The following LRRD1 variants were observed in gnomAD, a reference collection of about 807,000 sequenced individuals.
LRRD1 encodes the protein leucine rich repeats and death domain containing 1.
In LRRD1, 49 loss-of-function variants were observed where a neutral mutation model predicts 69.5. The observed-to-expected ratio is 0.70, with a 90% CI of 0.56 to 0.89. LRRD1 has a LOEUF of 0.89. Ranked by LOEUF, LRRD1 falls within the 40% of genes least tolerant of loss-of-function variation. The pLI, the probability that LRRD1 is intolerant of heterozygous loss-of-function variation, is 0.00. For missense variants in LRRD1, 853 were observed against 956.0 expected, an observed-to-expected ratio of 0.89 and a Z score of 1.42; for synonymous variants, 303 against 338.9, an observed-to-expected ratio of 0.89 and a Z score of 1.16.
intron 3 of LRRD1, among the ~76,000 whole-genome samples, chr7:92,156,804 A>G (rs1788667324): frequency 6.6e-6 from 1 of 152,154 alleles, no homozygotes; most frequent in Admixed American, 6.5e-5. Flanking sequence ...TTCCAGTTAT[A>G]ACGTCAAAAA....
chr7:92,162,172 C>A (rs1052625234), intron 2 of LRRD1, among the ~76,000 whole-genome samples: 7 of 152,090 alleles, frequency 4.6e-5, no homozygotes, highest in Non-Finnish European at 8.8e-5. Context: ...TTCCCTGGAG[C>A]AGTTTTTCTG....
At chr7:92,178,273 A>G (rs942758688) in intron 1 of LRRD1, among the ~76,000 whole-genome samples, 1 of 152,152 alleles carries the variant, frequency 6.6e-6, no homozygotes, top group African/African-American at 2.4e-5. Context: ...AGATCACGCC[A>G]TTGCACTCCA....
At chr7:92,153,870 CTT>C (rs981871411) in intron 3 of LRRD1, among the ~76,000 whole-genome samples, 2 of 151,952 alleles carry the variant, frequency 1.3e-5, no homozygotes, top group African/African-American at 4.8e-5. Context: ...TAGTCTTGCT[CTT>C]GTCAGCCAAG....
intron 1 of LRRD1, among the ~76,000 whole-genome samples, chr7:92,169,550 C>T (rs1789003098): frequency 6.6e-6 from 1 of 151,744 alleles, no homozygotes; most frequent in South Asian, 2.1e-4. Flanking sequence ...ACTTGGGAGG[C>T]TGAGGCAGAT....
intron 4 of LRRD1, among the ~76,000 whole-genome samples, chr7:92,146,571 T>C (rs1442349175): frequency 1.4e-5 from 2 of 146,954 alleles, no homozygotes; most frequent in Non-Finnish European, 3.0e-5. Flanking sequence ...GAGCTGAGAC[T>C]ACACCACTGT....
intron 1 of LRRD1, among the ~76,000 whole-genome samples, chr7:92,168,573 A>C (rs989535604): frequency 2.6e-5 from 4 of 151,918 alleles, no homozygotes; most frequent in African/African-American, 9.7e-5. Context: ...CCCATCCAGA[A>C]TGCGTACTTG....
chr7:92,171,063 T>A (rs1789047346), intron 1 of LRRD1, among the ~76,000 whole-genome samples: 1 of 152,120 alleles, frequency 6.6e-6, no homozygotes, highest in African/African-American at 2.4e-5. Flanking sequence ...AAGAGGGAAG[T>A]TTGTACCAAT....
chr7:92,153,916 A>T (rs1788588868), intron 3 of LRRD1, among the ~76,000 whole-genome samples: 2 of 151,698 alleles, frequency 1.3e-5, no homozygotes, highest in African/African-American at 4.8e-5. Context: ...GGCTCACTGT[A>T]ACCTCCGCTT....
intron 4 of LRRD1, 50 bp from the exon 5 acceptor site, chr7:92,146,250 A>C: frequency 1.1e-6 from 1 of 894,958 alleles, no homozygotes; most frequent in South Asian, 1.9e-5. Flanking sequence ...AAGATAATCT[A>C]TTTTGAGTTC....
chr7:92,164,909 C>A lies in LRRD1; in HGVS notation c.294G>T (p.Gln98His). 6.4e-7 allele frequency: 1 copy of A among 1,551,572 alleles called. No homozygotes were observed. The highest frequency in any genetic ancestry group is 2.0e-5 in the Admixed American group (1 of 51,000). ...SETSTRTGTSQSLSSLTGRTA... is the reference protein window; with the variant it reads ...SETSTRTGTSHSLSSLTGRTA... ...TCCTCCCAGTTAGTGATGATAAACT[C>A]TGTGAAGTTCCTGTTCTAGTGCTTG... The change falls in exon 2 of 6, where the codon CAG becomes CAT. Residue 98 changes from glutamine to histidine, a missense_variant. Transcript: ENST00000458448.
intron 1 of LRRD1, among the ~76,000 whole-genome samples, chr7:92,175,552 G>A (rs1225092864): frequency 6.6e-6 from 1 of 152,108 alleles, no homozygotes; most frequent in Non-Finnish European, 1.5e-5. Flanking sequence ...GGAGGCTGAG[G>A]CAGGAGAATC....
intron 2 of LRRD1, among the ~76,000 whole-genome samples, chr7:92,161,955 G>A (rs1563191958): frequency 6.6e-6 from 1 of 152,094 alleles, no homozygotes; most frequent in Non-Finnish European, 1.5e-5. Flanking sequence ...GGTGGGAAAG[G>A]AGTTAATAAA....
chr7:92,163,455 A>C lies in LRRD1; in HGVS notation c.1748T>G (p.Val583Gly). ...RELCTLENLQ[V>G]LDLSENQLQK... ...TAATTGGTTTTCCGAAAGATCAAGTACTTGCAAATTTTCTAAAGTACACAA... is the reference window on the plus strand; with the variant it reads ...TAATTGGTTTTCCGAAAGATCAAGTCCTTGCAAATTTTCTAAAGTACACAA... Residue 583 changes from valine to glycine, a missense_variant, in exon 2 of 6, where the codon GTA becomes GGA. Around this residue, in one of 3 missense-constraint regions of LRRD1, gnomAD observed 739 missense variants for 808.0 expected, o/e 0.91. Coordinates refer to ENST00000458448, the MANE Select transcript of LRRD1 (RefSeq NM_001161528.2). 6.5e-7 allele frequency: 1 copy of C among 1,541,318 alleles called. No individual in the cohort carries two copies. Among genetic ancestry groups the C allele is most frequent in the Non-Finnish European group, 8.7e-7 (1 of 1,143,914 alleles).
rs1584659126 is a variant in LRRD1 at position 92,164,425 on chromosome 7, C to T, written c.778G>A (p.Glu260Lys). ...TTATTTTTACCCAAACTTAAAATTT[C>T]CAAGTTTCCAAGACATTCTAAGTCA... ...PSDLECLGNL[E>K]ILSLGKNKLR... The change falls in exon 2 of 6, where the codon GAA becomes AAA. Residue 260 changes from glutamate to lysine, a missense_variant. Physicochemically the swap from Glu to Lys is moderately conservative, Grantham distance 56. Coordinates refer to ENST00000458448, the MANE Select transcript of LRRD1 (RefSeq NM_001161528.2). The T allele has an allele frequency of 1.9e-6, 3 of 1,548,502 alleles. No individual in the cohort carries two copies. Among genetic ancestry groups the T allele is most frequent in the African/African-American group, 2.7e-5 (2 of 72,814 alleles).
intron 1 of LRRD1, among the ~76,000 whole-genome samples, chr7:92,170,697 G>A (rs1181306285): frequency 6.6e-6 from 1 of 152,076 alleles, no homozygotes; most frequent in Non-Finnish European, 1.5e-5. Context: ...GTCCAAATAG[G>A]CCTAATTGAC....
At chr7:92,157,048 T>C (rs1355288340) in intron 3 of LRRD1, among the ~76,000 whole-genome samples, 1 of 110,648 alleles carries the variant, frequency 9.0e-6, no homozygotes, top group African/African-American at 3.9e-5. Flanking sequence ...TTTTTTTTTT[T>C]GAGATGAGGT....
chr7:92,163,317 T>C lies in LRRD1; in HGVS notation c.1886A>G (p.Gln629Arg), dbSNP rs1788827108. Residue 629 changes from glutamine (Q) to arginine (R), a missense_variant, in exon 2 of 6, where the codon CAG becomes CGG. Gln to Arg is a conservative substitution (Grantham distance 43, BLOSUM62 1). Coordinates refer to ENST00000458448, the MANE Select transcript of LRRD1 (RefSeq NM_001161528.2). The stretch of plus-strand genomic sequence containing the variant: ...CCCTTTTATCTGACTTATATTCAGC[T>C]GTTCCAGTGATTGAAGTTGGCACAG... ...IELCQLQSLEQLNISQIKGRK... is the reference protein window; with the variant it reads ...IELCQLQSLERLNISQIKGRK... The C allele has an allele frequency of 2.7e-6, 4 of 1,507,656 alleles. No individual in the cohort carries two copies. The highest frequency in any genetic ancestry group is 3.5e-6 in the Non-Finnish European group (4 of 1,130,242). The allele number at this position is 1,507,656 out of a possible 1,614,324, so 93.4% of individuals were successfully genotyped here.
intron 3 of LRRD1, among the ~76,000 whole-genome samples, chr7:92,158,420 T>C (rs1384900369): frequency 6.6e-6 from 1 of 152,086 alleles, no homozygotes; most frequent in Non-Finnish European, 1.5e-5. Context: ...TATATGTATA[T>C]ATGTGTACAT....
At chr7:92,142,659 G>A (rs954251670), downstream of LRRD1, 4 of 408,180 alleles carry the variant, frequency 9.8e-6, no homozygotes, top group South Asian at 3.6e-5. Context: ...TCTGATGTTC[G>A]GATGTGTTCG....
Sources: allele counts gnomAD v4.1 joint callset (sites outside exome capture counted in the v4.1 genomes callset), GRCh38; gene constraint gnomAD v4.1.1; regional missense constraint gnomAD v4.1.1; transcripts MANE v1.5; gene names NCBI Gene and HGNC (gene_info 2026-07-23, HGNC 2026-07-21).